Variants in NAALADL2 observed in about 807,000 individuals in gnomAD.
NAALADL2 encodes the protein N-acetylated alpha-linked acidic dipeptidase like 2, also known as inactive N-acetylated-alpha-linked acidic dipeptidase-like protein 2.
A neutral mutation model predicts 87.2 loss-of-function variants in NAALADL2; 76 were observed. That is an observed-to-expected ratio of 0.87 (90% CI 0.72 to 1.05). The LOEUF (loss-of-function observed/expected upper bound fraction) is 1.05, where lower values mean the gene tolerates loss of function less well. Among genes scored for constraint, NAALADL2 ranks in the 50% least tolerant of loss-of-function variants. The pLI, the probability that NAALADL2 is intolerant of heterozygous loss-of-function variation, is 0.00. For synonymous variants in NAALADL2, 354 were observed against 331.0 expected (o/e 1.07, Z -0.75); for missense variants, 1,089 against 945.8 (o/e 1.15, Z -1.99).
At chr3:174,718,747 A>G (rs1021182448) in intron 2 of NAALADL2, among the ~76,000 whole-genome samples, 2 of 152,174 alleles carry the variant, frequency 1.3e-5, no homozygotes, top group African/African-American at 4.8e-5. Context: ...AGCCTACAAA[A>G]TAGCAATTCT....
At chr3:174,449,731 A>C (rs1715339560) in intron 1 of NAALADL2, among the ~76,000 whole-genome samples, 1 of 152,126 alleles carries the variant, frequency 6.6e-6, no homozygotes, top group Non-Finnish European at 1.5e-5. Flanking sequence ...CAATGCATTA[A>C]AGTCTGTTTG....
rs1469356130 is a variant in NAALADL2, at chr3:174,519,314, A to T, written c.-183-31255A>T. Among the ~76,000 whole-genome samples the T allele has an allele frequency of 2.8e-3, 423 of 148,862 alleles. 5 individuals are homozygous for T. Among genetic ancestry groups the T allele is most frequent in the African/African-American group, 0.011 (412 of 38,462 alleles). Reference sequence around the variant, plus strand: ...GCAAAGTTTTTGAAACAAGTGAATGAATGAAGATTTCCTTTTTTTTTTTTT... The same window carrying T: ...GCAAAGTTTTTGAAACAAGTGAATGTATGAAGATTTCCTTTTTTTTTTTTT... On this transcript the variant is annotated intron_variant, in intron 1 of 3. Transcript: ENST00000434257.
intron 5 of NAALADL2, among the ~76,000 whole-genome samples, chr3:175,342,507 T>C (rs921999844): frequency 1.4e-5 from 2 of 147,862 alleles, no homozygotes; most frequent in African/African-American, 2.5e-5. Flanking sequence ...AAATATTGCG[T>C]GTGTGTGTGT....
At chr3:174,786,235 G>A (rs143761309) in intron 3 of NAALADL2, among the ~76,000 whole-genome samples, 1,700 of 152,114 alleles carry the variant, frequency 0.011, 19 homozygotes, top group Middle Eastern at 0.027. Flanking sequence ...CAGATCATGA[G>A]GTCAGGTGAT....
intron 3 of NAALADL2, among the ~76,000 whole-genome samples, chr3:174,846,026 C>T (rs1197350346): frequency 6.6e-6 from 1 of 152,162 alleles, no homozygotes; most frequent in East Asian, 1.9e-4. Flanking sequence ...AATGTATCCA[C>T]ATGGACTCCC....
rs1485843153 is a variant in NAALADL2, at chr3:174,642,558, A to G, written c.-115+91921A>G. 2.7e-5 allele frequency among the ~76,000 whole-genome samples: 4 copies of G among 150,264 alleles called. No homozygotes were observed. The East Asian group carries it at 7.8e-4, about 29-fold the overall frequency. On this transcript the variant is annotated intron_variant, in intron 2 of 3. Coordinates refer to the NAALADL2 transcript ENST00000434257. Reference sequence around the variant, plus strand: ...TGCCACACAGGGTATCTATCCCACAATCTAGGCTCTCTAAATCAGGATTAC... The same window carrying G: ...TGCCACACAGGGTATCTATCCCACAGTCTAGGCTCTCTAAATCAGGATTAC...
chr3:175,260,272 A>G (rs1040206401), intron 4 of NAALADL2, among the ~76,000 whole-genome samples: 2 of 152,072 alleles, frequency 1.3e-5, no homozygotes, highest in Admixed American at 6.6e-5. Context: ...TTTAAAAAAA[A>G]TTTCTGTGTA....
chr3:175,292,652 A>G (rs1022573771), intron 4 of NAALADL2, among the ~76,000 whole-genome samples: 6 of 150,946 alleles, frequency 4.0e-5, no homozygotes, highest in Non-Finnish European at 5.9e-5. Context: ...TACCATATTC[A>G]TTCTGGAGTT....
In NAALADL2 at chr3:174,617,681, G is replaced by T. The variant is rs145169483; in HGVS notation, c.-115+67044G>T. Among the ~76,000 whole-genome samples the T allele has an allele frequency of 2.5e-3, 375 of 151,814 alleles. 2 individuals carry two copies. Among genetic ancestry groups the T allele is most frequent in the African/African-American group, 8.6e-3 (358 of 41,520 alleles). ...ATGATAGATAATAATGAAGCTTGTT[G>T]TTCACTGAAGAGTTAAATGAAAAAG... On this transcript the variant is annotated intron_variant, in intron 2 of 3. Coordinates refer to the NAALADL2 transcript ENST00000434257.
intron 2 of NAALADL2, among the ~76,000 whole-genome samples, chr3:174,675,039 G>T (rs1181857540): frequency 6.6e-6 from 1 of 151,884 alleles, no homozygotes; most frequent in African/African-American, 2.4e-5. Flanking sequence ...TGTAACTTTT[G>T]GTCTAACCTA....
chr3:175,641,960 G>T (rs1361032526), intron 11 of NAALADL2, among the ~76,000 whole-genome samples: 1 of 152,062 alleles, frequency 6.6e-6, no homozygotes, highest in African/African-American at 2.4e-5. Context: ...TGAATCATGT[G>T]CACAAAAGAA....
intron 3 of NAALADL2, among the ~76,000 whole-genome samples, chr3:174,737,953 A>G (rs967903134): frequency 6.6e-6 from 1 of 152,086 alleles, no homozygotes; most frequent in African/African-American, 2.4e-5. Flanking sequence ...TTCTTTGGGT[A>G]GCATTATATA....
At chr3:174,908,021 G>GTTTT (rs35051279) in intron 1 of NAALADL2, among the ~76,000 whole-genome samples, 54 of 82,512 alleles carry the variant, frequency 6.5e-4, no homozygotes, top group East Asian at 1.2e-3. Context: ...AGAGAAGTTG[G>GTTTT]TTTTTTTTTT....
chr3:175,268,534 T>A (rs1030575112), intron 4 of NAALADL2, among the ~76,000 whole-genome samples: 21 of 152,100 alleles, frequency 1.4e-4, no homozygotes, highest in African/African-American at 4.8e-4. Context: ...TTTTTAATAA[T>A]AAATTAATCT....
At chr3:175,528,297 G>A (rs891249275) in intron 9 of NAALADL2, among the ~76,000 whole-genome samples, 1 of 152,036 alleles carries the variant, frequency 6.6e-6, no homozygotes, top group African/African-American at 2.4e-5. Context: ...AGAAGAACTT[G>A]GAGTCCAACG....
chr3:175,764,791 G>C (rs963767998), intron 13 of NAALADL2, among the ~76,000 whole-genome samples: 1 of 152,014 alleles, frequency 6.6e-6, no homozygotes, highest in Non-Finnish European at 1.5e-5. Context: ...TACATATTCA[G>C]TACATACATA....
chr3:174,635,093 T>C (rs1722499546), intron 2 of NAALADL2, among the ~76,000 whole-genome samples: 1 of 152,242 alleles, frequency 6.6e-6, no homozygotes. Context: ...TCTTTGAACA[T>C]GTAAACATTT....
intron 2 of NAALADL2, among the ~76,000 whole-genome samples, chr3:175,151,870 A>G (rs529424644): frequency 1.8e-4 from 28 of 152,326 alleles, no homozygotes; most frequent in African/African-American, 5.8e-4. Flanking sequence ...TTGAGTGCCT[A>G]TTACCTTCTA....
At chr3:175,043,065 C>A (rs1754265579) in intron 1 of NAALADL2, among the ~76,000 whole-genome samples, 1 of 152,124 alleles carries the variant, frequency 6.6e-6, no homozygotes, top group Admixed American at 6.6e-5. Flanking sequence ...AGTTGCAGAT[C>A]CTCAGTCATT....
Sources: gnomAD v4.1 joint callset for allele counts (sites outside exome capture counted in the v4.1 genomes callset) on GRCh38, gnomAD v4.1.1 for gene constraint, MANE v1.5 for transcripts, NCBI Gene and HGNC (gene_info 2026-07-23, HGNC 2026-07-21) for gene names.